Variants in CADPS2 observed in about 807,000 individuals in gnomAD.
CADPS2 encodes the protein calcium-dependent secretion activator 2.
CADPS2 carries 93 observed loss-of-function variants against 172.5 expected under a neutral mutation model. The observed-to-expected ratio is 0.54, with a 90% CI of 0.46 to 0.64. The LOEUF is 0.64. Ranked by LOEUF, CADPS2 falls within the 30% of genes least tolerant of loss-of-function variation. The probability of loss-of-function intolerance (pLI) is 0.00; values close to 1 mark genes in which losing one functional copy is unlikely to be tolerated. For synonymous variants in CADPS2, 546 were observed against 555.2 expected (o/e 0.98, Z 0.23); for missense variants, 1,420 against 1,565.9 (o/e 0.91, Z 1.57).
chr7:122,692,467 G>C (rs1378270275), intron 2 of CADPS2, among the ~76,000 whole-genome samples: 1 of 152,182 alleles, frequency 6.6e-6, no homozygotes, highest in Admixed American at 6.5e-5. Context: ...CTTTTCCTTA[G>C]TGCTGTGCAG....
chr7:122,734,779 G>GT (rs560361444), intron 2 of CADPS2, among the ~76,000 whole-genome samples: 7 of 152,018 alleles, frequency 4.6e-5, no homozygotes, highest in Non-Finnish European at 1.0e-4. Flanking sequence ...CTGGAAAACA[G>GT]TAACTCCACA....
At chr7:122,734,093 T>C (rs971872576) in intron 2 of CADPS2, among the ~76,000 whole-genome samples, 17 of 151,868 alleles carry the variant, frequency 1.1e-4, no homozygotes, top group African/African-American at 4.1e-4. Flanking sequence ...AAGAGTCTGC[T>C]TTTAGTCAGC....
At chr7:122,656,762 C>T (rs2079846196) in intron 3 of CADPS2, among the ~76,000 whole-genome samples, 1 of 152,096 alleles carries the variant, frequency 6.6e-6, no homozygotes, top group South Asian at 2.1e-4. Flanking sequence ...AACAAGGATA[C>T]TGGAGGAAGC....
chr7:122,501,010 T>C (rs1169205641), intron 9 of CADPS2, among the ~76,000 whole-genome samples: 1 of 152,106 alleles, frequency 6.6e-6, no homozygotes, highest in Non-Finnish European at 1.5e-5. Flanking sequence ...ATCCCAGCAC[T>C]TTGGGAGGCT....
chr7:122,843,627 C>T (rs1811190708), intron 1 of CADPS2, among the ~76,000 whole-genome samples: 1 of 152,180 alleles, frequency 6.6e-6, no homozygotes, highest in Non-Finnish European at 1.5e-5. Context: ...CAGATTGTGA[C>T]ATTTGACAAA....
Position 122,501,317 on chromosome 7 carries a change from G to T in CADPS2, c.1543-9897C>A, listed in dbSNP as rs146684063. Among the ~76,000 whole-genome samples the T allele has an allele frequency of 4.2e-3, 637 of 151,862 alleles. 7 individuals carry two copies. The highest frequency in any genetic ancestry group is 0.015 in the African/African-American group (609 of 41,434). On this transcript the variant is annotated intron_variant, in intron 9 of 29. Transcript: ENST00000449022. ...ATTATAGATTTTGATTATGTAGCAA[G>T]GATTTGAAGATATTACATTTGGAAA...
intron 8 of CADPS2, among the ~76,000 whole-genome samples, chr7:122,530,683 C>T (rs748580924): frequency 1.3e-5 from 2 of 152,182 alleles, no homozygotes; most frequent in Admixed American, 1.3e-4. Context: ...AAAAACTACA[C>T]ATAACTATTA....
Position 122,671,191 on chromosome 7 carries a change from T to C in CADPS2, c.454-7622A>G, listed in dbSNP as rs184790997. Among the ~76,000 whole-genome samples, 13 of 152,342 alleles carry C rather than the reference T, an allele frequency of 8.5e-5. No individual in the cohort carries two copies. In the East Asian group the frequency reaches 2.5e-3, roughly 29 times the overall value. On this transcript the variant is annotated intron_variant, in intron 2 of 29. Coordinates refer to ENST00000449022, the MANE Select transcript of CADPS2 (RefSeq NM_017954.11). The stretch of plus-strand genomic sequence containing the variant: ...TTTAATTCTTATCTCTTTTCCTCAC[T>C]GGACAGTAAGTTCCATGAAGTCAAA...
intron 17 of CADPS2, among the ~76,000 whole-genome samples, chr7:122,427,711 G>A (rs922702841): frequency 6.6e-6 from 1 of 151,902 alleles, no homozygotes; most frequent in African/African-American, 2.4e-5. Context: ...TGATGGCTTT[G>A]TAACTTGTCT....
At chr7:122,643,073 T>C (rs1588073208) in intron 3 of CADPS2, among the ~76,000 whole-genome samples, 1 of 152,330 alleles carries the variant, frequency 6.6e-6, no homozygotes, top group East Asian at 1.9e-4. Context: ...ATCTAGTGAT[T>C]TGTAGATAAT....
At chr7:122,364,536 C>T (rs950281517) in intron 25 of CADPS2, among the ~76,000 whole-genome samples, 1 of 151,304 alleles carries the variant, frequency 6.6e-6, no homozygotes, top group South Asian at 2.1e-4. Flanking sequence ...ACCATCCTGG[C>T]TAACACAGTG....
At chr7:122,721,199 T>C (rs1178618861) in intron 2 of CADPS2, among the ~76,000 whole-genome samples, 1 of 151,852 alleles carries the variant, frequency 6.6e-6, no homozygotes, top group East Asian at 1.9e-4. Context: ...CTTATAAATC[T>C]GTCTCTCCTT....
At chr7:122,558,511 T>C (rs2065313543) in intron 7 of CADPS2, among the ~76,000 whole-genome samples, 1 of 152,152 alleles carries the variant, frequency 6.6e-6, no homozygotes, top group Non-Finnish European at 1.5e-5. Flanking sequence ...ACAAAAATGA[T>C]TTCTTGTCTT....
intron 2 of CADPS2, among the ~76,000 whole-genome samples, chr7:122,683,763 AT>A (rs2083325739): frequency 6.6e-6 from 1 of 151,688 alleles, no homozygotes; most frequent in South Asian, 2.1e-4. Flanking sequence ...AAACAAACAG[AT>A]TCCCAGTTGG....
At chr7:122,345,519 T>C in intron 28 of CADPS2, 55 bp downstream of exon 28, 1 of 1,067,098 alleles carries the variant, frequency 9.4e-7, no homozygotes, top group Admixed American at 1.9e-5. Flanking sequence ...AATTCAACTT[T>C]TCTCTTTGCA....
At chr7:122,607,508 A>G (rs2073736869) in intron 6 of CADPS2, among the ~76,000 whole-genome samples, 1 of 152,164 alleles carries the variant, frequency 6.6e-6, no homozygotes, top group Non-Finnish European at 1.5e-5. Flanking sequence ...ATATAAGGGG[A>G]CGTGATTTCA....
chr7:122,727,755 T>C (rs2091252419), intron 2 of CADPS2, among the ~76,000 whole-genome samples: 1 of 151,960 alleles, frequency 6.6e-6, no homozygotes, highest in African/African-American at 2.4e-5. Flanking sequence ...GAAACCCAGA[T>C]ATTGTATACA....
intron 1 of CADPS2, among the ~76,000 whole-genome samples, chr7:122,859,270 G>A (rs1208819578): frequency 1.3e-5 from 2 of 152,120 alleles, no homozygotes; most frequent in African/African-American, 2.4e-5. Context: ...GACTGAATAT[G>A]GGAGTCATCT....
At chr7:122,698,779 T>A (rs748688523) in intron 2 of CADPS2, 2 of 1,613,998 alleles carry the variant, frequency 1.2e-6, no homozygotes, top group Non-Finnish European at 1.7e-6. Context: ...ATTCCCAACA[T>A]GAAATGATAT....
Sources: allele counts gnomAD v4.1 joint callset (sites outside exome capture counted in the v4.1 genomes callset), GRCh38; gene constraint gnomAD v4.1.1; transcripts MANE v1.5; gene names NCBI Gene and HGNC (gene_info 2026-07-23, HGNC 2026-07-21).